Variants in ATP2B2 observed in about 807,000 individuals in gnomAD.
The protein encoded by ATP2B2 is plasma membrane calcium-transporting ATPase 2.
A neutral mutation model predicts 120.0 loss-of-function variants in ATP2B2; 15 were observed. The observed-to-expected ratio is 0.12, with a 90% confidence interval of 0.08 to 0.19. The LOEUF is 0.19. ATP2B2 is among the 10% of genes least tolerant of loss of function. The pLI, the probability that ATP2B2 is intolerant of heterozygous loss-of-function variation, is 1.00. For synonymous variants in ATP2B2, 694 were observed against 700.3 expected (o/e 0.99, Z 0.14); for missense variants, 1,045 against 1,719.8 (o/e 0.61, Z 6.94).
intron 2 of ATP2B2, among the ~76,000 whole-genome samples, chr3:10,538,677 T>C (rs1428381111): frequency 6.6e-6 from 1 of 152,138 alleles, no homozygotes; most frequent in Non-Finnish European, 1.5e-5. Flanking sequence ...AATTCAACAG[T>C]GCTTCATGTT....
chr3:10,702,317 T>C (rs1410132118), intron 1 of ATP2B2, among the ~76,000 whole-genome samples: 5 of 152,226 alleles, frequency 3.3e-5, no homozygotes, highest in Non-Finnish European at 2.9e-5. Flanking sequence ...GTAACACTAA[T>C]AGCTGACATC....
intron 1 of ATP2B2, among the ~76,000 whole-genome samples, chr3:10,690,373 TAG>T (rs1388720339): frequency 1.3e-5 from 2 of 152,086 alleles, no homozygotes; most frequent in African/African-American, 4.8e-5. Flanking sequence ...AGCAATCAGA[TAG>T]AGATAGAGAG....
intron 1 of ATP2B2, among the ~76,000 whole-genome samples, chr3:10,623,128 C>A (rs1376321851): frequency 6.9e-6 from 1 of 145,018 alleles, no homozygotes; most frequent in Non-Finnish European, 1.5e-5. Context: ...AGTGGTGCAA[C>A]CATAGCTCAC....
Position 10,411,910 on chromosome 3 carries a change from C to T in ATP2B2, c.200-1095G>A, listed in dbSNP as rs992434354. ...CGGACAGAGTGGTAAGGGCCCACTT[C>T]CACCCACCATCTGCATTTCCAGATA... On this transcript the variant is annotated intron_variant, in intron 2 of 22. Transcript: ENST00000360273. Among the ~76,000 whole-genome samples, 4 of 152,192 alleles carry T rather than the reference C, an allele frequency of 2.6e-5. No homozygotes were observed. The East Asian group carries it at 7.7e-4, about 29-fold the overall frequency.
chr3:10,618,705 A>G lies in ATP2B2; in HGVS notation c.-415+1212T>C, dbSNP rs1019329166. Among the ~76,000 whole-genome samples the G allele has an allele frequency of 2.6e-5, 4 of 152,140 alleles. No homozygotes were observed. In the East Asian group the frequency reaches 7.7e-4, roughly 29 times the overall value. Reference sequence around the variant, plus strand: ...CTGGGGCCAATCTGGTCAGATCACTACTACAACACACTTGTATGCCCATGG... The same window carrying G: ...CTGGGGCCAATCTGGTCAGATCACTGCTACAACACACTTGTATGCCCATGG... On this transcript the variant is annotated intron_variant, in intron 2 of 21. Transcript: ENST00000646379.
chr3:10,371,646 T>C (rs575247039), intron 12 of ATP2B2, among the ~76,000 whole-genome samples, 163 bp downstream of exon 12: 1 of 152,340 alleles, frequency 6.6e-6, no homozygotes, highest in South Asian at 2.1e-4. Context: ...GCAATATTAA[T>C]AGTATATTAA....
At chr3:10,574,166 T>G (rs2125549169) in intron 2 of ATP2B2, among the ~76,000 whole-genome samples, 1 of 152,338 alleles carries the variant, frequency 6.6e-6, no homozygotes, top group Middle Eastern at 3.4e-3. Flanking sequence ...TGCCTCTATT[T>G]TCTCCCAGTT....
chr3:10,350,641 T>C, intron 14 of ATP2B2, 64 bp from the exon 15 acceptor site: 1 of 1,559,124 alleles, frequency 6.4e-7, no homozygotes, highest in Admixed American at 1.7e-5. Flanking sequence ...CCTGCCTTCA[T>C]GGATTCCAGA....
At chr3:10,701,532 T>C (rs2071817457) in intron 1 of ATP2B2, among the ~76,000 whole-genome samples, 1 of 152,112 alleles carries the variant, frequency 6.6e-6, no homozygotes, top group Non-Finnish European at 1.5e-5. Flanking sequence ...TGTTGAGGAG[T>C]GACAGTTTGT....
At chr3:10,486,723 A>G (rs932107178) in intron 1 of ATP2B2, among the ~76,000 whole-genome samples, 2 of 151,948 alleles carry the variant, frequency 1.3e-5, no homozygotes, top group Non-Finnish European at 2.9e-5. Context: ...TATGATGATG[A>G]TGGTGATGAT....
intron 4 of ATP2B2, among the ~76,000 whole-genome samples, chr3:10,401,799 T>C (rs1338534641): frequency 1.3e-5 from 2 of 152,244 alleles, no homozygotes; most frequent in Non-Finnish European, 2.9e-5. Flanking sequence ...TGCGGCTGTA[T>C]CCAGGCTCTG....
chr3:10,644,929 C>A (rs564216546), intron 1 of ATP2B2, among the ~76,000 whole-genome samples: 43 of 152,260 alleles, frequency 2.8e-4, no homozygotes, highest in Middle Eastern at 3.4e-3. Flanking sequence ...AGTATCATAT[C>A]ATATCAAAAT....
At chr3:10,521,537 G>A (rs1237463702) in intron 3 of ATP2B2, among the ~76,000 whole-genome samples, 2 of 152,164 alleles carry the variant, frequency 1.3e-5, no homozygotes, top group African/African-American at 2.4e-5. Flanking sequence ...TCCTTTTTAA[G>A]GTGTTTTAAG....
chr3:10,613,135 C>A (rs1006745945), intron 2 of ATP2B2, among the ~76,000 whole-genome samples: 1 of 152,122 alleles, frequency 6.6e-6, no homozygotes, highest in Admixed American at 6.5e-5. Context: ...CTCTGGACAC[C>A]AAAGCTCAGT....
intron 3 of ATP2B2, among the ~76,000 whole-genome samples, chr3:10,531,770 C>T (rs904753872): frequency 2.0e-5 from 3 of 152,104 alleles, no homozygotes; most frequent in South Asian, 2.1e-4. Context: ...AGGGGCTCAT[C>T]GCAATGCCTG....
chr3:10,566,597 G>C (rs1240148641), intron 2 of ATP2B2: 1 of 152,242 alleles, frequency 6.6e-6, no homozygotes, highest in African/African-American at 2.4e-5. Flanking sequence ...AGATTGAAGA[G>C]AAGGCAACGT....
rs149016663 is a variant in ATP2B2, at chr3:10,588,647, C to T, written c.-415+31270G>A. Among the ~76,000 whole-genome samples the T allele has an allele frequency of 3.5e-3, 536 of 152,310 alleles. 4 individuals carry two copies. Among genetic ancestry groups the T allele is most frequent in the Non-Finnish European group, 5.2e-3 (357 of 68,040 alleles). ...CATGGATCTCTGGAGGAAAGGATCTCAACCCACGTATCTCTCACCCAGCAC... is the reference window on the plus strand; with the variant it reads ...CATGGATCTCTGGAGGAAAGGATCTTAACCCACGTATCTCTCACCCAGCAC... On this transcript the variant is annotated intron_variant, in intron 2 of 21. Transcript: ENST00000646379.
chr3:10,676,403 C>G (rs1021524848), intron 1 of ATP2B2, among the ~76,000 whole-genome samples: 5 of 152,136 alleles, frequency 3.3e-5, no homozygotes, highest in African/African-American at 1.2e-4. Context: ...ACATTGGCAG[C>G]TGGGTGATGC....
At chr3:10,582,317 C>T (rs749638055) in intron 2 of ATP2B2, among the ~76,000 whole-genome samples, 7 of 152,030 alleles carry the variant, frequency 4.6e-5, no homozygotes, top group South Asian at 4.1e-4. Context: ...CCCAAGTTGA[C>T]GGCCATTGTT....
Sources: allele counts gnomAD v4.1 joint callset (sites outside exome capture counted in the v4.1 genomes callset), GRCh38; gene constraint gnomAD v4.1.1; transcripts MANE v1.5; gene names NCBI Gene and HGNC (gene_info 2026-07-23, HGNC 2026-07-21).